Variants in ZNF605 observed in about 807,000 individuals in gnomAD.
ZNF605 encodes the protein zinc finger protein 605.
ZNF605 carries 9 observed loss-of-function variants against 7.9 expected under a neutral mutation model. The ratio of observed to expected loss-of-function variants is 1.14; its 90% CI spans 0.68 to 1.98. The LOEUF (loss-of-function observed/expected upper bound fraction) is 1.98, where lower values mean the gene tolerates loss of function less well. Among genes scored for constraint, ZNF605 ranks in the 30% most tolerant of loss-of-function variants. The probability of loss-of-function intolerance (pLI) is 0.00; values close to 1 mark genes in which losing one functional copy is unlikely to be tolerated. For missense variants in ZNF605, 673 were observed against 762.4 expected (o/e 0.88, Z 1.38); for synonymous variants, 255 against 260.1 (o/e 0.98, Z 0.19).
At position 132,926,016 on chromosome 12, in the gene ZNF605, T is replaced by C. The variant is rs200170298; in HGVS notation, c.1283A>G (p.Lys428Arg). 13 of 1,614,118 alleles carry C rather than the reference T, an allele frequency of 8.1e-6. No individual in the cohort carries two copies. Among genetic ancestry groups the C allele is most frequent in the Non-Finnish European group, 1.0e-5 (12 of 1,180,040 alleles). ...EKPYGCIQCGKTFFGKSQLLT... is the reference protein window; with the variant it reads ...EKPYGCIQCGRTFFGKSQLLT... The stretch of plus-strand genomic sequence containing the variant: ...GAGCTGGGACTTCCCAAAGAAGGTT[T>C]TCCCACATTGAATGCATCCATATGG... Residue 428 changes from lysine to arginine, a missense_variant, in exon 5 of 5, where the codon AAA (lysine) becomes AGA (arginine). Coordinates refer to ENST00000360187, the MANE Select transcript of ZNF605 (RefSeq NM_183238.4).
chr12:132,927,379 T>A (rs1220974277), intron 4 of ZNF605, among the ~76,000 whole-genome samples: 1 of 152,174 alleles, frequency 6.6e-6, no homozygotes, highest in African/African-American at 2.4e-5. Context: ...TTATATATAT[T>A]TTTTTGAGAT....
At chr12:132,951,237 T>C (rs1952561480) in intron 1 of ZNF605, among the ~76,000 whole-genome samples, 1 of 141,576 alleles carries the variant, frequency 7.1e-6, no homozygotes, top group African/African-American at 2.7e-5. Context: ...ACACATACAC[T>C]CAGACACGTA....
chr12:132,925,968 G>C lies in ZNF605; in HGVS notation c.1331C>G (p.Thr444Ser). The C allele has an allele frequency of 6.2e-7, 1 of 1,614,208 alleles. No individual in the cohort carries two copies. The highest frequency in any genetic ancestry group is 1.1e-5 in the South Asian group (1 of 91,082). The change falls in exon 5 of 5, where the codon ACT becomes AGT. Residue 444 changes from threonine to serine, a missense_variant. Coordinates refer to ENST00000360187, the MANE Select transcript of ZNF605 (RefSeq NM_183238.4). ...ACTGCATTCATAAGGCTTCTCCCCA[G>C]TGTGTGTTCTGTGATGCGTTAGGAG... ...SQLLTHHRTH[T>S]GEKPYECSEC...
At chr12:132,932,848 G>C (rs1436331612) in intron 4 of ZNF605, 187 bp downstream of exon 4, 2 of 1,450,510 alleles carry the variant, frequency 1.4e-6, no homozygotes, top group Non-Finnish European at 1.8e-6. Context: ...AACTGCCTGG[G>C]CTAAGAGTCT....
intron 4 of ZNF605, among the ~76,000 whole-genome samples, chr12:132,929,367 T>G (rs1267933552): frequency 6.6e-6 from 1 of 152,074 alleles, no homozygotes; most frequent in African/African-American, 2.4e-5. Context: ...CCTGCGTGAC[T>G]GAGTGAGACC....
Position 132,926,163 on chromosome 12 carries a change from T to G in ZNF605, c.1136A>C (p.Gln379Pro). ...GTGAGTTATCTGATGTTTAATCAGC[T>G]GTGGTTTTCTGATGAAGGCTTCACC... Reference protein sequence around the residue: ...ECGEAFIRKPQLIKHQITHTG... With the variant: ...ECGEAFIRKPPLIKHQITHTG... The change falls in exon 5 of 5, where the codon CAG becomes CCG. Residue 379 changes from glutamine to proline, a missense_variant. Transcript: ENST00000360187. 1 of 1,614,216 alleles carries G rather than the reference T, an allele frequency of 6.2e-7. No individual in the cohort carries two copies. The highest frequency in any genetic ancestry group is 1.1e-5 in the South Asian group (1 of 91,092).
Position 132,921,422 on chromosome 12 carries a change from G to C in ZNF605, c.*3951C>G, listed in dbSNP as rs1166793908. 1.3e-5 allele frequency: 2 copies of C among 152,122 alleles called. No individual in the cohort carries two copies. The highest frequency in any genetic ancestry group is 2.9e-5 in the Non-Finnish European group (2 of 68,028). 9.4% of individuals were successfully genotyped at this position (152,122 alleles called of 1,614,324 possible). A position where few individuals can be genotyped will look rare whatever the true frequency, so the allele number is the denominator to read the frequency against. On this transcript the variant is annotated 3_prime_UTR_variant, in exon 5 of 5. Transcript: ENST00000360187. ...GAGTGAGAATGGCCTTTCCCCTTTA[G>C]TCTATGGCAAAATAAAGGGGGGCAT...
At chr12:132,945,169 G>T in intron 3 of ZNF605, 2 of 511,338 alleles carry the variant, frequency 3.9e-6, no homozygotes, top group Admixed American at 3.3e-5. Flanking sequence ...TTGCCATGTT[G>T]GCCAGGCTGG....
Position 132,937,500 on chromosome 12 carries a change from AACACACACACACACAG to A in ZNF605, c.16-4361_16-4346del, listed in dbSNP as rs1340436316. Among the ~76,000 whole-genome samples the A allele has an allele frequency of 4.4e-4, 67 of 151,592 alleles. 1 individual carries two copies. The highest frequency in any genetic ancestry group is 1.5e-4 in the Non-Finnish European group (10 of 67,800). ...TGTACTTATTAGAAGGCTAAAACTAAACACACACACACACAGACACACACACACACACACACCCCTG... is the reference window on the plus strand; with the variant it reads ...TGTACTTATTAGAAGGCTAAAACTAAACACACACACACACACACACCCCTG... On this transcript the variant is annotated intron_variant, in intron 3 of 4. Transcript: ENST00000360187.
At position 132,954,487 on chromosome 12, in the gene ZNF605, C is replaced by T. The variant is rs1025747835; in HGVS notation, c.-286+1756G>A. Among the ~76,000 whole-genome samples, 81 of 37,498 alleles carry T rather than the reference C, an allele frequency of 2.2e-3. No individual in the cohort carries two copies. In the East Asian group the frequency reaches 0.03, roughly 14 times the overall value. 24.6% of individuals were successfully genotyped at this position (37,498 alleles called of 152,430 possible). ...GGAGGGGAGGAGAAGGGGCTTCTGT[C>T]CTGGGACGAACACACTGGTCTCCAT... On this transcript the variant is annotated intron_variant, in intron 1 of 4. Coordinates refer to ENST00000360187, the MANE Select transcript of ZNF605 (RefSeq NM_183238.4).
chr12:132,945,183 C>A, intron 3 of ZNF605: 1 of 539,582 alleles, frequency 1.9e-6, no homozygotes, highest in Non-Finnish European at 3.3e-6. Flanking sequence ...AGGCTGGTCT[C>A]AAACTCCTGA....
At chr12:132,955,184 T>C (rs1952623636) in intron 1 of ZNF605, among the ~76,000 whole-genome samples, 1 of 152,044 alleles carries the variant, frequency 6.6e-6, no homozygotes, top group Non-Finnish European at 1.5e-5. Flanking sequence ...GAGACTCACG[T>C]GCATCTCTGC....
rs1593574347 is a variant in ZNF605 at position 132,919,956 on chromosome 12, C to T, written c.*5417G>A. ...TCCTGGGTTCAAGCGATTCTCCTGCCTCAGCCTCCGGAGTAGCTGGGACTA... is the reference window on the plus strand; with the variant it reads ...TCCTGGGTTCAAGCGATTCTCCTGCTTCAGCCTCCGGAGTAGCTGGGACTA... On this transcript the variant is annotated 3_prime_UTR_variant, in exon 5 of 5. Coordinates refer to ENST00000360187, the MANE Select transcript of ZNF605 (RefSeq NM_183238.4). 6.6e-6 allele frequency: 1 copy of T among 152,056 alleles called. No homozygotes were observed. Among genetic ancestry groups the T allele is most frequent in the East Asian group, 1.9e-4 (1 of 5,146 alleles). 9.4% of individuals were successfully genotyped at this position (152,056 alleles called of 1,614,324 possible). A position where few individuals can be genotyped will look rare whatever the true frequency, so the allele number is the denominator to read the frequency against.
Position 132,921,659 on chromosome 12 carries a change from T to G in ZNF605, c.*3714A>C. 6.6e-6 allele frequency: 1 copy of G among 152,248 alleles called. No homozygotes were observed. The highest frequency in any genetic ancestry group is 1.9e-4 in the East Asian group (1 of 5,206). 9.4% of individuals were successfully genotyped at this position (152,248 alleles called of 1,614,324 possible). On this transcript the variant is annotated 3_prime_UTR_variant, in exon 5 of 5. Coordinates refer to ENST00000360187, the MANE Select transcript of ZNF605 (RefSeq NM_183238.4). ...AGACTACAACGTCAATGAAGCCTCC[T>G]GGCATTGTCGGAAATAGAAAACATG...
chr12:132,944,336 G>T (rs1952476747), intron 3 of ZNF605, among the ~76,000 whole-genome samples: 1 of 152,136 alleles, frequency 6.6e-6, no homozygotes, highest in African/African-American at 2.4e-5. Context: ...AGAAAGGAAA[G>T]GCAGGGAAAG....
Position 132,941,422 on chromosome 12 carries a change from A to C in ZNF605, c.15+4199T>G, listed in dbSNP as rs1593595015. Among the ~76,000 whole-genome samples the C allele has an allele frequency of 6.6e-6, 1 of 151,880 alleles. No homozygotes were observed. On this transcript the variant is annotated intron_variant, in intron 3 of 4. Coordinates refer to ENST00000360187, the MANE Select transcript of ZNF605 (RefSeq NM_183238.4). The surrounding 1 kb of genome is among the most constrained non-coding windows in gnomAD (Gnocchi z 5.1). ...GTTTCCTTGTGGTTTGGCCCAGCCAACCCCACACATTCCACTGACTTGGGC... is the reference window on the plus strand; with the variant it reads ...GTTTCCTTGTGGTTTGGCCCAGCCACCCCCACACATTCCACTGACTTGGGC...
At chr12:132,949,321 T>C (rs1166994515) in intron 1 of ZNF605, among the ~76,000 whole-genome samples, 3 of 152,198 alleles carry the variant, frequency 2.0e-5, no homozygotes, top group Non-Finnish European at 4.4e-5. Context: ...ACCAGTGCTA[T>C]AGATTACACG....
chr12:132,955,100 TG>T (rs1240886547), intron 1 of ZNF605, among the ~76,000 whole-genome samples: 3 of 151,426 alleles, frequency 2.0e-5, no homozygotes, highest in African/African-American at 4.9e-5. Context: ...TTATTGGAAG[TG>T]GGGAAAAAAA....
At chr12:132,947,465 A>ACCAT (rs1205228220) in intron 2 of ZNF605, among the ~76,000 whole-genome samples, 3 of 151,930 alleles carry the variant, frequency 2.0e-5, no homozygotes, top group African/African-American at 7.3e-5. Context: ...GGTGTACGCC[A>ACCAT]CCATCCCCAG....
Sources: gnomAD v4.1 joint callset for allele counts (sites outside exome capture counted in the v4.1 genomes callset) on GRCh38, gnomAD v4.1.1 for gene constraint, Gnocchi (gnomAD v3.1) non-coding constraint, MANE v1.5 for transcripts, NCBI Gene and HGNC (gene_info 2026-07-23, HGNC 2026-07-21) for gene names.